Variants in LSAMP observed in about 807,000 individuals in gnomAD.
The protein encoded by LSAMP is limbic system associated membrane protein.
Under a neutral mutation model 38.6 loss-of-function variants are expected in LSAMP, and 7 were observed. The ratio of observed to expected loss-of-function variants is 0.18; its 90% CI spans 0.10 to 0.34. The LOEUF (loss-of-function observed/expected upper bound fraction) is 0.34, where lower values mean the gene tolerates loss of function less well. Ranked by LOEUF, LSAMP falls within the 10% of genes least tolerant of loss-of-function variation. The probability of loss-of-function intolerance (pLI) is 1.00; values close to 1 mark genes in which losing one functional copy is unlikely to be tolerated. For synonymous variants in LSAMP, 154 were observed against 166.8 expected (o/e 0.92, Z 0.59); for missense variants, 313 against 420.0 (o/e 0.75, Z 2.23).
chr3:115,913,912 C>A (rs1291107544), intron 3 of LSAMP, among the ~76,000 whole-genome samples: 1 of 151,860 alleles, frequency 6.6e-6, no homozygotes, highest in African/African-American at 2.4e-5. Context: ...TGTATTAAAC[C>A]CTGTGTAGAC....
chr3:116,293,864 TAAAC>T (rs560629805), intron 1 of LSAMP, among the ~76,000 whole-genome samples: 32 of 152,004 alleles, frequency 2.1e-4, no homozygotes, highest in Non-Finnish European at 4.0e-4. Flanking sequence ...AATGCACAAA[TAAAC>T]ACTAAAAAAT....
chr3:116,212,615 G>T (rs1378383977), intron 1 of LSAMP, among the ~76,000 whole-genome samples: 3 of 151,604 alleles, frequency 2.0e-5, no homozygotes. Context: ...GAGTTGATTA[G>T]ATACTAAAAA....
chr3:115,859,256 G>A (rs144793845), intron 3 of LSAMP, among the ~76,000 whole-genome samples: 2 of 152,244 alleles, frequency 1.3e-5, no homozygotes, highest in Non-Finnish European at 2.9e-5. Context: ...ATCCCTGATT[G>A]AAAGAAGGCA....
intron 1 of LSAMP, among the ~76,000 whole-genome samples, chr3:116,155,624 T>G (rs531223003): frequency 9.0e-6 from 1 of 111,040 alleles, no homozygotes; most frequent in Admixed American, 9.5e-5. Context: ...TACAAGAGGG[T>G]GTGTGTGTGT....
chr3:116,232,699 C>CTTTCTTTTTT (rs1310867132), intron 1 of LSAMP, among the ~76,000 whole-genome samples: 1 of 99,472 alleles, frequency 1.0e-5, no homozygotes, highest in Non-Finnish European at 2.1e-5. Flanking sequence ...TTCTTTCTTT[C>CTTTCTTTTTT]TTTTTTTTTT....
chr3:115,972,641 A>C (rs1939054116), intron 3 of LSAMP, among the ~76,000 whole-genome samples: 1 of 151,454 alleles, frequency 6.6e-6, no homozygotes, highest in African/African-American at 2.4e-5. Flanking sequence ...TAAGGGGTAA[A>C]GATAAAATTA....
intron 1 of LSAMP, among the ~76,000 whole-genome samples, chr3:116,246,324 C>T (rs1377734117): frequency 1.3e-5 from 2 of 151,688 alleles, no homozygotes; most frequent in South Asian, 2.1e-4. Context: ...TATGGGAATA[C>T]ATAGGAGCAT....
intron 4 of LSAMP, among the ~76,000 whole-genome samples, chr3:115,846,582 A>G (rs985728315): frequency 1.1e-4 from 17 of 152,310 alleles, no homozygotes; most frequent in Admixed American, 1.3e-4. Flanking sequence ...ATTTTATGAA[A>G]GAGAAGACAA....
At chr3:116,357,963 A>T (rs2048248364) in intron 1 of LSAMP, among the ~76,000 whole-genome samples, 1 of 152,084 alleles carries the variant, frequency 6.6e-6, no homozygotes, top group African/African-American at 2.4e-5. Flanking sequence ...GGAAAGTAAA[A>T]CACCAGGAAA....
At position 115,805,388 on chromosome 3, in the gene LSAMP, GA is replaced by G. The variant is rs1380410559; in HGVS notation, c.*4928del. The G allele has an allele frequency of 2.0e-5, 3 of 151,902 alleles. No individual in the cohort carries two copies. The highest frequency in any genetic ancestry group is 2.9e-5 in the Non-Finnish European group (2 of 67,984). The allele number at this position is 151,902 out of a possible 1,614,324, so 9.4% of individuals were successfully genotyped here. On this transcript the variant is annotated 3_prime_UTR_variant, in exon 7 of 7. Transcript: ENST00000490035. The stretch of plus-strand genomic sequence containing the variant: ...TTTCAGTTTTTATTTATTTTTATTT[GA>G]TTTTTTTTTCCTTAAGAATCATAGT...
intron 1 of LSAMP, among the ~76,000 whole-genome samples, chr3:116,126,899 A>C (rs879683470): frequency 6.6e-6 from 1 of 152,214 alleles, no homozygotes; most frequent in Non-Finnish European, 1.5e-5. Flanking sequence ...AGCTAGGGAG[A>C]TGAGGAAATT....
At chr3:115,813,030 T>C (rs1035606142) in intron 6 of LSAMP, among the ~76,000 whole-genome samples, 3 of 152,164 alleles carry the variant, frequency 2.0e-5, no homozygotes, top group Admixed American at 1.3e-4. Flanking sequence ...TATATACTTA[T>C]ATATGCAAAT....
At chr3:115,861,414 T>C (rs907364032) in intron 3 of LSAMP, among the ~76,000 whole-genome samples, 4 of 152,006 alleles carry the variant, frequency 2.6e-5, no homozygotes, top group African/African-American at 9.7e-5. Context: ...TTTCAAAAAA[T>C]TGTGATCAAC....
At chr3:116,279,758 T>C (rs796854671) in intron 1 of LSAMP, among the ~76,000 whole-genome samples, 5 of 152,268 alleles carry the variant, frequency 3.3e-5, no homozygotes, top group African/African-American at 9.6e-5. Flanking sequence ...ATATACAACA[T>C]AAAAATGTCA....
In LSAMP at chr3:115,878,460, T is replaced by C. The variant is rs552405100; in HGVS notation, c.515-25843A>G. On this transcript the variant is annotated intron_variant, in intron 3 of 6. Transcript: ENST00000490035. ...CTTTGAGAACATGCTATTCTTTTTT[T>C]TTTTTTTTTTTTTTTTTTTTTGACA... Among the ~76,000 whole-genome samples, 426 of 130,068 alleles carry C rather than the reference T, an allele frequency of 3.3e-3. 4 individuals carry two copies. Among genetic ancestry groups the C allele is most frequent in the African/African-American group, 0.012 (409 of 34,378 alleles). The allele number at this position is 130,068 out of a possible 152,430, so 85.3% of individuals were successfully genotyped here.
At chr3:116,167,563 T>A (rs532404455) in intron 1 of LSAMP, among the ~76,000 whole-genome samples, 3 of 152,350 alleles carry the variant, frequency 2.0e-5, no homozygotes, top group Admixed American at 2.0e-4. Context: ...CATTTATCCA[T>A]CCATCTGTTC....
chr3:116,383,210 T>C (rs1445194741), intron 1 of LSAMP, among the ~76,000 whole-genome samples: 1 of 152,168 alleles, frequency 6.6e-6, no homozygotes, highest in Non-Finnish European at 1.5e-5. Flanking sequence ...CTATGTATAA[T>C]ACTTTGAAGT....
intron 1 of LSAMP, among the ~76,000 whole-genome samples, chr3:116,188,192 G>A (rs1230469566): frequency 6.6e-6 from 1 of 152,098 alleles, no homozygotes; most frequent in Admixed American, 6.6e-5. Flanking sequence ...GTTAGTGGGA[G>A]TTCTTTGCCT....
At chr3:116,375,925 C>T (rs2048488248) in intron 1 of LSAMP, among the ~76,000 whole-genome samples, 1 of 151,976 alleles carries the variant, frequency 6.6e-6, no homozygotes, top group East Asian at 1.9e-4. Flanking sequence ...TCATTTATGA[C>T]AATTTTCTTT....
Sources: allele counts gnomAD v4.1 joint callset (sites outside exome capture counted in the v4.1 genomes callset), GRCh38; gene constraint gnomAD v4.1.1; transcripts MANE v1.5; gene names NCBI Gene and HGNC (gene_info 2026-07-23, HGNC 2026-07-21).